Variants in THBS4 observed in about 807,000 individuals in gnomAD.
THBS4 encodes the protein thrombospondin-4.
Under a neutral mutation model 115.7 loss-of-function variants are expected in THBS4, and 90 were observed. That is an observed-to-expected ratio of 0.78 (90% CI 0.66 to 0.93). The LOEUF (loss-of-function observed/expected upper bound fraction) is 0.93. Among genes scored for constraint, THBS4 ranks in the 40% least tolerant of loss-of-function variants. The probability of loss-of-function intolerance (pLI) is 0.00; values close to 1 mark genes in which losing one functional copy is unlikely to be tolerated. For synonymous variants in THBS4, 460 were observed against 479.3 expected, an observed-to-expected ratio of 0.96 and a Z score of 0.53; for missense variants, 1,087 against 1,232.7, an observed-to-expected ratio of 0.88 and a Z score of 1.77.
At chr5:80,050,503 GTCTGCAAAATAT>G (rs1386657823) in intron 2 of THBS4, among the ~76,000 whole-genome samples, 1 of 152,270 alleles carries the variant, frequency 6.6e-6, no homozygotes, top group African/African-American at 2.4e-5. Context: ...CCAGTGCAGG[GTCTGCAAAATAT>G]CTCAAGCACT....
intron 9 of THBS4, 122 bp from the exon 10 acceptor site, chr5:80,067,851 C>A: frequency 8.9e-7 from 1 of 1,128,994 alleles, no homozygotes; most frequent in Non-Finnish European, 1.3e-6. Context: ...AGGCATGGAT[C>A]TGATGCCTGA....
At chr5:80,043,994 G>A (rs1366397821) in intron 2 of THBS4, among the ~76,000 whole-genome samples, 3 of 152,116 alleles carry the variant, frequency 2.0e-5, no homozygotes, top group African/African-American at 4.8e-5. Context: ...CCTTGGGGCC[G>A]CACATGCTGC....
intron 2 of THBS4, among the ~76,000 whole-genome samples, chr5:80,006,815 C>CT (rs1561291227): frequency 6.6e-6 from 1 of 152,186 alleles, no homozygotes; most frequent in Non-Finnish European, 1.5e-5. Context: ...GATGGATACT[C>CT]TAAAAGCCCT....
intron 2 of THBS4, among the ~76,000 whole-genome samples, chr5:80,021,677 A>G (rs1045019736): frequency 7.2e-5 from 11 of 152,186 alleles, no homozygotes; most frequent in Admixed American, 2.0e-4. Flanking sequence ...TTTTGTAGAC[A>G]CGGGGTCTGT....
At position 80,056,000 on chromosome 5, in the gene THBS4, A is replaced by T. The variant is rs745406109; in HGVS notation, c.508A>T (p.Ile170Phe). The T allele has an allele frequency of 6.2e-7, 1 of 1,612,676 alleles. No individual in the cohort carries two copies. The highest frequency in any genetic ancestry group is 8.5e-7 in the Non-Finnish European group (1 of 1,179,128). Residue 170 changes from isoleucine (I) to phenylalanine (F), a missense_variant, in exon 3 of 22, where the codon ATT (isoleucine) becomes TTT (phenylalanine). Coordinates refer to ENST00000350881, the MANE Select transcript of THBS4 (RefSeq NM_003248.6). ...FAGPSQKPET[I>F]ELRTFQRKPQ... ...TGGCCCCTCCCAGAAACCTGAGACC[A>T]TTGAATTGAGGACTTTCCAGAGGAA...
Position 80,072,314 on chromosome 5 carries a change from C to T in THBS4, c.1757C>T (p.Pro586Leu), listed in dbSNP as rs779023079. ...ATTCTGGACAACTGCCCAAAATTTC[C>T]CAATCGTGACCAACGGGACAAGGAT... is the stretch of plus-strand genomic sequence containing the variant. Reference protein sequence around the residue: ...KNILDNCPKFPNRDQRDKDGD... With the variant: ...KNILDNCPKFLNRDQRDKDGD... The change falls in exon 14 of 22, where the codon CCC becomes CTC. Residue 586 changes from proline to leucine, a missense_variant. Pro to Leu is a moderately conservative substitution (Grantham distance 98). Around this residue, in one of 3 missense-constraint regions of THBS4, gnomAD observed 979 missense variants for 1,103.7 expected, o/e 0.89. Transcript: ENST00000350881. The T allele has an allele frequency of 3.7e-6, 6 of 1,614,102 alleles. No homozygotes were observed. The highest frequency in any genetic ancestry group is 1.7e-5 in the Admixed American group (1 of 60,024).
chr5:80,032,501 C>T (rs1229094586), upstream of THBS4, among the ~76,000 whole-genome samples: 4 of 152,036 alleles, frequency 2.6e-5, no homozygotes, highest in East Asian at 3.9e-4. Context: ...CACAATAGGC[C>T]GTCTGCAAGC....
At chr5:80,010,493 A>G (rs114365054) in intron 2 of THBS4, among the ~76,000 whole-genome samples, 168 of 152,304 alleles carry the variant, frequency 1.1e-3, no homozygotes, top group African/African-American at 3.9e-3. Context: ...CTCCTCATCC[A>G]CATGGTCAAA....
At chr5:80,069,600 C>T (rs926959427) in intron 10 of THBS4, among the ~76,000 whole-genome samples, 22 of 152,214 alleles carry the variant, frequency 1.4e-4, no homozygotes, top group Non-Finnish European at 1.3e-4. Flanking sequence ...GGCGTGACTA[C>T]TAAAATAATT....
chr5:79,996,488 A>G (rs1217631637), intron 1 of THBS4, among the ~76,000 whole-genome samples: 4 of 152,178 alleles, frequency 2.6e-5, no homozygotes, highest in African/African-American at 9.7e-5. Context: ...GAGTTGCCCC[A>G]GGAATTGAAA....
chr5:80,078,834 A>T, intron 17 of THBS4, 87 bp from the exon 18 acceptor site: 1 of 1,271,980 alleles, frequency 7.9e-7, no homozygotes, highest in Non-Finnish European at 1.1e-6. Flanking sequence ...CTGGCCACTC[A>T]CTCATATGGT....
intron 1 of THBS4, among the ~76,000 whole-genome samples, chr5:80,037,274 CTGTAGATGAT>C (rs1301610402): frequency 6.6e-6 from 1 of 152,060 alleles, no homozygotes; most frequent in African/African-American, 2.4e-5. Context: ...AATTTAGTTG[CTGTAGATGAT>C]CTGATTAAGT....
intron 2 of THBS4, among the ~76,000 whole-genome samples, chr5:80,021,862 C>G (rs1832384701): frequency 6.6e-6 from 1 of 152,124 alleles, no homozygotes. Flanking sequence ...AAAATTTCCA[C>G]AAATTTTTAA....
intron 2 of THBS4, among the ~76,000 whole-genome samples, chr5:80,050,523 A>C (rs905460581): frequency 6.6e-6 from 1 of 152,142 alleles, no homozygotes; most frequent in Non-Finnish European, 1.5e-5. Context: ...TATCTCAAGC[A>C]CTGATGTTAG....
chr5:80,009,002 G>A (rs188733325), intron 2 of THBS4, among the ~76,000 whole-genome samples: 337 of 152,288 alleles, frequency 2.2e-3, no homozygotes, highest in Non-Finnish European at 4.1e-3. Context: ...AGCACCAATG[G>A]AAATGGCTGA....
At chr5:80,080,307 A>G (rs923716553) in intron 20 of THBS4, 27 of 533,986 alleles carry the variant, frequency 5.1e-5, no homozygotes, top group Middle Eastern at 5.0e-4. Context: ...TAGAAGGAGC[A>G]GAGCTGAGGG....
chr5:80,073,408 G>A, intron 15 of THBS4, 81 bp downstream of exon 15: 1 of 1,252,334 alleles, frequency 8.0e-7, no homozygotes, highest in African/African-American at 1.5e-5. Flanking sequence ...TTTTGAGGCG[G>A]AGTCTCACTC....
chr5:80,065,515 C>T (rs532329574), intron 9 of THBS4, 38 bp downstream of exon 9: 1 of 1,581,198 alleles, frequency 6.3e-7, no homozygotes, highest in South Asian at 1.1e-5. Context: ...CAAAGCAGAA[C>T]CGGTTATTAA....
At chr5:80,033,111 G>A (rs1832616746), upstream of THBS4, 2 of 269,032 alleles carry the variant, frequency 7.4e-6, no homozygotes, top group South Asian at 8.8e-5. Context: ...CAGAAACAGG[G>A]TAACATCAAC....
Sources: allele counts gnomAD v4.1 joint callset (sites outside exome capture counted in the v4.1 genomes callset), GRCh38; gene constraint gnomAD v4.1.1; regional missense constraint gnomAD v4.1.1; transcripts MANE v1.5; gene names NCBI Gene and HGNC (gene_info 2026-07-23, HGNC 2026-07-21).